CAPN14: variants seen among roughly 807,000 people sequenced by gnomAD.
CAPN14 encodes calpain-14.
A neutral mutation model predicts 101.3 loss-of-function variants in CAPN14; 94 were observed. The observed-to-expected ratio is 0.93, with a 90% CI of 0.79 to 1.10. CAPN14 has a LOEUF of 1.10. Among genes scored for constraint, CAPN14 ranks in the 50% least tolerant of loss-of-function variants. CAPN14 has a pLI of 0.00. For missense variants in CAPN14, 837 were observed against 828.4 expected (o/e 1.01, Z -0.13); for synonymous variants, 338 against 317.9 (o/e 1.06, Z -0.67).
At chr2:31,193,926 C>G (rs970361246) in intron 9 of CAPN14, among the ~76,000 whole-genome samples, 2 of 151,780 alleles carry the variant, frequency 1.3e-5, no homozygotes, top group Admixed American at 1.3e-4. Flanking sequence ...ACTGATGGGT[C>G]CATTTCAGAC....
At chr2:31,184,785 C>T (rs970002245) in intron 16 of CAPN14, among the ~76,000 whole-genome samples, 2 of 152,192 alleles carry the variant, frequency 1.3e-5, no homozygotes, top group Non-Finnish European at 2.9e-5. Flanking sequence ...CTAGCATTTC[C>T]TGGAACACAA....
chr2:31,181,019 G>A lies in CAPN14; in HGVS notation c.1646-19C>T. 3.2e-6 allele frequency: 5 copies of A among 1,550,448 alleles called. No individual in the cohort carries two copies. Among genetic ancestry groups the A allele is most frequent in the Non-Finnish European group, 4.4e-6 (5 of 1,145,910 alleles). ...CCCAGACCTGTGAAGGAGCGAAAGA[G>A]TCCACATGGGGGCTGGCCCCAGGTC... On this transcript the variant is annotated intron_variant, in intron 16 of 21. Coordinates refer to ENST00000403897, the MANE Select transcript of CAPN14 (RefSeq NM_001145122.2).
chr2:31,191,422 C>CAA lies in CAPN14; in HGVS notation c.1279-17_1279-16dup. On this transcript the variant is annotated splice_polypyrimidine_tract_variant and intron_variant, in intron 11 of 21. Coordinates refer to ENST00000403897, the MANE Select transcript of CAPN14 (RefSeq NM_001145122.2). ...ACCTTGTTCATCTAAAAAACAAAAA[C>CAA]AAAAACAGAAAAAAAAAAAAAAAGA... 4 of 1,410,240 alleles carry CAA rather than the reference C, an allele frequency of 2.8e-6. No homozygotes were observed. The highest frequency in any genetic ancestry group is 1.6e-5 in the African/African-American group (1 of 61,080). The allele number at this position is 1,410,240 out of a possible 1,614,324, so 87.4% of individuals were successfully genotyped here.
At chr2:31,216,308 C>T (rs1020576377) in intron 1 of CAPN14, among the ~76,000 whole-genome samples, 2 of 152,160 alleles carry the variant, frequency 1.3e-5, no homozygotes, top group South Asian at 2.1e-4. Context: ...ATAGTTACAT[C>T]AATTCCATTC....
intron 9 of CAPN14, among the ~76,000 whole-genome samples, chr2:31,193,644 T>A (rs760415624): frequency 6.6e-6 from 1 of 152,256 alleles, no homozygotes; most frequent in Non-Finnish European, 1.5e-5. Flanking sequence ...AAATGTTCAA[T>A]AAGAATTACA....
rs1681512441 is a variant in CAPN14, at chr2:31,197,249, C to G, written c.875G>C (p.Ser292Thr). The change falls in exon 8 of 22, where the codon AGT (serine) becomes ACT (threonine). Residue 292 changes from serine (S) to threonine (T), a missense_variant and splice_region_variant. Physicochemically the swap from Ser to Thr is moderately conservative, Grantham distance 58. Transcript: ENST00000403897. ...KVEWKGDWSD[S>T]SSKWELLSPK... ...CCTCCAAGATGTCCCCAAAGTTCAC[C>G]TGTCACTCCAGTCTCCTTTCCATTC... is the stretch of plus-strand genomic sequence containing the variant. 1 of 1,549,254 alleles carries G rather than the reference C, an allele frequency of 6.5e-7. No individual in the cohort carries two copies. The highest frequency in any genetic ancestry group is 8.7e-7 in the Non-Finnish European group (1 of 1,144,566).
chr2:31,213,314 T>C (rs1443386106), intron 1 of CAPN14, among the ~76,000 whole-genome samples: 2 of 152,224 alleles, frequency 1.3e-5, no homozygotes, highest in Admixed American at 6.5e-5. Flanking sequence ...TTGACAAAAG[T>C]CTAAAGTAGG....
chr2:31,224,868 G>T (rs1484075673), intron 2 of CAPN14, among the ~76,000 whole-genome samples: 1 of 151,974 alleles, frequency 6.6e-6, no homozygotes, highest in Non-Finnish European at 1.5e-5. Flanking sequence ...AGATATAAAA[G>T]ATTTGTGAAT....
At chr2:31,211,092 TA>T (rs1336611254) in intron 1 of CAPN14, among the ~76,000 whole-genome samples, 4 of 152,046 alleles carry the variant, frequency 2.6e-5, no homozygotes, top group Admixed American at 2.6e-4. Flanking sequence ...TGAGGAAAGA[TA>T]AAAGATATTT....
chr2:31,209,615 G>T (rs1682287216), intron 1 of CAPN14, among the ~76,000 whole-genome samples: 1 of 152,152 alleles, frequency 6.6e-6, no homozygotes, highest in Admixed American at 6.5e-5. Flanking sequence ...ATATGTTAGT[G>T]TTTACTAAAA....
rs1345275779 is a variant in CAPN14, at chr2:31,230,432, G to T, written c.-177+3359C>A. 1.3e-5 allele frequency among the ~76,000 whole-genome samples: 2 copies of T among 152,214 alleles called. No individual in the cohort carries two copies. The highest frequency in any genetic ancestry group is 6.5e-5 in the Admixed American group (1 of 15,284). On this transcript the variant is annotated intron_variant and NMD_transcript_variant, in intron 1 of 21. Coordinates refer to the CAPN14 transcript ENST00000398824. This position sits in a 1 kb window ranked among gnomAD's most constrained non-coding sequence, Gnocchi z 4.3. ...CACATCTTCAGCTTCACTAAGCAATGCCAAACTGTTTCCCAAAGTATTTGT... is the reference window on the plus strand; with the variant it reads ...CACATCTTCAGCTTCACTAAGCAATTCCAAACTGTTTCCCAAAGTATTTGT...
rs372099557 is a variant in CAPN14 at position 31,215,103 on chromosome 2, G to A, written c.-53+2353C>T. ...CTGACACTTTCAACCCCAAGAGGTA[G>A]CGGCACCCTAGTCTGAGAGTCATCC... On this transcript the variant is annotated intron_variant, in intron 1 of 21. Transcript: ENST00000403897. Among the ~76,000 whole-genome samples the A allele has an allele frequency of 1.9e-3, 285 of 152,308 alleles. 1 individual carries two copies. Among genetic ancestry groups the A allele is most frequent in the Middle Eastern group, 3.4e-3 (1 of 294 alleles).
intron 7 of CAPN14, 96 bp from the exon 8 acceptor site, chr2:31,197,430 G>A (rs1681523154): frequency 1.2e-6 from 1 of 804,090 alleles, no homozygotes; most frequent in Non-Finnish European, 2.1e-6. Flanking sequence ...CACTTGCAGT[G>A]GAAAATCACA....
Position 31,201,851 on chromosome 2 carries a change from C to T in CAPN14, c.551+11G>A, listed in dbSNP as rs777114106. The T allele has an allele frequency of 2.3e-5, 36 of 1,549,420 alleles. No homozygotes were observed. The highest frequency in any genetic ancestry group is 3.3e-4 in the Middle Eastern group (2 of 6,006). ...GCGATGGGAAGGGGGATATTTCTGC[C>T]GGTTTCTTACTTGGCATAGGCCTTT... On this transcript the variant is annotated intron_variant, in intron 5 of 21. Transcript: ENST00000403897.
rs1039838420 is a variant in CAPN14 at position 31,197,402 on chromosome 2, C to T, written c.790-68G>A. The stretch of plus-strand genomic sequence containing the variant: ...AAACATTCCAGAGATCTGAGTGAGA[C>T]TCGGGCCTGGAGCTGAGCACTTGCA... On this transcript the variant is annotated intron_variant, in intron 7 of 21. Transcript: ENST00000403897. The T allele has an allele frequency of 3.6e-6, 4 of 1,120,650 alleles. No individual in the cohort carries two copies. In the African/African-American group the frequency reaches 4.6e-5, roughly 13 times the overall value. 69.4% of individuals were successfully genotyped at this position (1,120,650 alleles called of 1,614,324 possible).
chr2:31,189,179 A>C, intron 13 of CAPN14, 94 bp downstream of exon 13: 20 of 1,085,736 alleles, frequency 1.8e-5, no homozygotes, highest in Non-Finnish European at 2.7e-5. Context: ...TCTCAGCAGC[A>C]GAGATCCTGG....
At chr2:31,183,374 G>T (rs1680745237) in intron 16 of CAPN14, among the ~76,000 whole-genome samples, 1 of 152,160 alleles carries the variant, frequency 6.6e-6, no homozygotes. Flanking sequence ...CACAGCAAAA[G>T]AAACTGCCAT....
chr2:31,191,310 C>A (rs1211619149), intron 12 of CAPN14, 89 bp downstream of exon 12: 3 of 1,286,994 alleles, frequency 2.3e-6, no homozygotes, highest in Non-Finnish European at 3.2e-6. Context: ...GCAGTAGAAG[C>A]CTGCTCCAGT....
chr2:31,221,136 T>C (rs1682851433), upstream of CAPN14, among the ~76,000 whole-genome samples: 1 of 152,248 alleles, frequency 6.6e-6, no homozygotes, highest in Admixed American at 6.5e-5. Context: ...AGAAAAATAT[T>C]CGTTAAGAAA....
Sources: allele counts gnomAD v4.1 joint callset (sites outside exome capture counted in the v4.1 genomes callset), GRCh38; gene constraint gnomAD v4.1.1; non-coding constraint Gnocchi (gnomAD v3.1); transcripts MANE v1.5; gene names NCBI Gene and HGNC (gene_info 2026-07-23, HGNC 2026-07-21).